The following GSE1 variants were observed in gnomAD, a reference collection of about 807,000 sequenced individuals.
GSE1 encodes the protein genetic suppressor element 1.
A neutral mutation model predicts 112.6 loss-of-function variants in GSE1; 32 were observed. The ratio of observed to expected loss-of-function variants is 0.28; its 90% CI spans 0.21 to 0.38. GSE1 has a LOEUF of 0.38. Ranked by LOEUF, GSE1 falls within the 10% of genes least tolerant of loss-of-function variation. The pLI, the probability that GSE1 is intolerant of heterozygous loss-of-function variation, is 1.00. For synonymous variants in GSE1, 1,115 were observed against 735.6 expected, an observed-to-expected ratio of 1.52 and a Z score of -8.35; for missense variants, 2,348 against 1,699.2, an observed-to-expected ratio of 1.38 and a Z score of -6.71.
intron 2 of GSE1, among the ~76,000 whole-genome samples, chr16:85,441,458 C>A (rs900004530): frequency 6.8e-6 from 1 of 147,286 alleles, no homozygotes. Flanking sequence ...AGTTTGAGAC[C>A]AGCCTGACCA....
chr16:85,665,289 C>T (rs925452057), intron 12 of GSE1, among the ~76,000 whole-genome samples, 161 bp downstream of exon 12: 1 of 152,232 alleles, frequency 6.6e-6, no homozygotes, highest in African/African-American at 2.4e-5. Flanking sequence ...ACAGTTGTGA[C>T]AGTCATTGGG....
intron 2 of GSE1, among the ~76,000 whole-genome samples, chr16:85,471,744 C>CT (rs2050302730): frequency 6.6e-6 from 1 of 152,030 alleles, no homozygotes; most frequent in African/African-American, 2.4e-5. Flanking sequence ...TGATCTCGCT[C>CT]TGTTGCCCAG....
intron 1 of GSE1, among the ~76,000 whole-genome samples, chr16:85,257,770 G>C (rs186509293): frequency 1.4e-4 from 21 of 152,196 alleles, no homozygotes; most frequent in Non-Finnish European, 2.5e-4. Flanking sequence ...AGCCGCGATG[G>C]CATCATTGCC....
intron 2 of GSE1, among the ~76,000 whole-genome samples, chr16:85,638,498 C>T (rs956325081): frequency 1.8e-4 from 28 of 152,320 alleles, no homozygotes; most frequent in African/African-American, 5.8e-4. Context: ...CTGTGTGATC[C>T]GGGCAGGCCG....
chr16:85,513,952 G>A (rs2051832590), intron 2 of GSE1, among the ~76,000 whole-genome samples: 1 of 152,138 alleles, frequency 6.6e-6, no homozygotes, highest in African/African-American at 2.4e-5. Context: ...GCTCCCAGGT[G>A]GTACTGCTGC....
chr16:85,416,889 T>G lies in GSE1; in HGVS notation c.2464+59246T>G, dbSNP rs565006841. ...TTTGTTTTTTGAGGCAGAGTCTCACTCTGTCCCCCAGGCCGGGGTGCAGTG... is the reference window on the plus strand; with the variant it reads ...TTTGTTTTTTGAGGCAGAGTCTCACGCTGTCCCCCAGGCCGGGGTGCAGTG... On this transcript the variant is annotated intron_variant, in intron 2 of 2. Transcript: ENST00000637419. Among the ~76,000 whole-genome samples the G allele has an allele frequency of 3.7e-4, 56 of 152,334 alleles. 2 individuals are homozygous for G. The South Asian group carries it at 0.012, about 32-fold the overall frequency.
At chr16:85,511,499 G>C (rs2051744837) in intron 2 of GSE1, among the ~76,000 whole-genome samples, 1 of 147,096 alleles carries the variant, frequency 6.8e-6, no homozygotes, top group Non-Finnish European at 1.5e-5. Flanking sequence ...TTGCACTCCA[G>C]CCTGGGCAAC....
At chr16:85,341,773 T>C (rs2046629015) in intron 1 of GSE1, among the ~76,000 whole-genome samples, 1 of 151,692 alleles carries the variant, frequency 6.6e-6, no homozygotes, top group Non-Finnish European at 1.5e-5. Context: ...ACACTGGGAT[T>C]ACAGGTGTGA....
chr16:85,590,316 G>T (rs899165218), intron 1 of GSE1, among the ~76,000 whole-genome samples: 1 of 151,368 alleles, frequency 6.6e-6, no homozygotes, highest in Non-Finnish European at 1.5e-5. Flanking sequence ...ATGGGCCCAT[G>T]TGTGAATGTG....
intron 2 of GSE1, among the ~76,000 whole-genome samples, chr16:85,440,617 G>A (rs1297214188): frequency 6.6e-6 from 1 of 152,254 alleles, no homozygotes; most frequent in East Asian, 1.9e-4. Context: ...CCTGGCTGGG[G>A]TCAGTGGTCA....
At chr16:85,193,968 T>C (rs548811912) in intron 1 of GSE1, among the ~76,000 whole-genome samples, 10 of 152,256 alleles carry the variant, frequency 6.6e-5, no homozygotes, top group South Asian at 4.1e-4. Context: ...TGTGTGTGTG[T>C]GCGCGCGCGT....
intron 2 of GSE1, among the ~76,000 whole-genome samples, chr16:85,404,301 C>G (rs1193315104): frequency 1.0e-5 from 1 of 96,602 alleles, no homozygotes. Flanking sequence ...ACTCAGGCCC[C>G]CCGGATAATC....
chr16:85,386,861 A>G (rs1219269962), intron 2 of GSE1, among the ~76,000 whole-genome samples: 1 of 152,152 alleles, frequency 6.6e-6, no homozygotes, highest in Non-Finnish European at 1.5e-5. Flanking sequence ...GGAAGGGGCC[A>G]GGGTGCCATT....
At chr16:85,578,660 C>T (rs925753734) in intron 1 of GSE1, among the ~76,000 whole-genome samples, 5 of 152,162 alleles carry the variant, frequency 3.3e-5, no homozygotes, top group Non-Finnish European at 7.3e-5. Context: ...AAGTGTCCCC[C>T]GAATCAGGCA....
intron 1 of GSE1, among the ~76,000 whole-genome samples, chr16:85,262,802 G>A (rs1333585292): frequency 1.3e-5 from 2 of 152,178 alleles, no homozygotes; most frequent in Admixed American, 6.5e-5. Flanking sequence ...AGCTTGCCGC[G>A]GGCACCAGTT....
In GSE1 at chr16:85,419,724, G is replaced by T. The variant is rs1301093512; in HGVS notation, c.2464+62081G>T. Among the ~76,000 whole-genome samples, 2 of 152,184 alleles carry T rather than the reference G, an allele frequency of 1.3e-5. No homozygotes were observed. The highest frequency in any genetic ancestry group is 4.8e-5 in the African/African-American group (2 of 41,448). On this transcript the variant is annotated intron_variant, in intron 2 of 2. Coordinates refer to the GSE1 transcript ENST00000637419. The surrounding 1 kb of genome is among the most constrained non-coding windows in gnomAD (Gnocchi z 6.5). Reference sequence around the variant, plus strand: ...TGAATGCACGTTGGAATCAGCTGGGGATCTCTAAAAACCCCTCTGATGCCT... The same window carrying T: ...TGAATGCACGTTGGAATCAGCTGGGTATCTCTAAAAACCCCTCTGATGCCT...
chr16:85,478,869 TTCTTTC>T (rs1352193670), intron 2 of GSE1, among the ~76,000 whole-genome samples: 2 of 44,482 alleles, frequency 4.5e-5, no homozygotes, highest in Non-Finnish European at 7.3e-5. Context: ...CTTTCTTTCT[TTCTTTC>T]TTTCTTTCTT....
intron 2 of GSE1, among the ~76,000 whole-genome samples, chr16:85,646,026 C>T (rs867139918): frequency 6.7e-6 from 1 of 148,778 alleles, no homozygotes; most frequent in Non-Finnish European, 1.5e-5. Context: ...CCCACGCTTT[C>T]TATGCATGCA....
intron 2 of GSE1, among the ~76,000 whole-genome samples, chr16:85,363,572 A>G (rs1209918163): frequency 6.6e-6 from 1 of 152,188 alleles, no homozygotes. Flanking sequence ...GGCTGATCCC[A>G]GCATCCACAC....
Sources: allele counts gnomAD v4.1 joint callset (sites outside exome capture counted in the v4.1 genomes callset), GRCh38; gene constraint gnomAD v4.1.1; non-coding constraint Gnocchi (gnomAD v3.1); transcripts MANE v1.5; gene names NCBI Gene and HGNC (gene_info 2026-07-23, HGNC 2026-07-21).